RBM33: variants seen among roughly 807,000 people sequenced by gnomAD.
RBM33 encodes the protein RNA binding motif protein 33, also known as RNA-binding protein 33.
In RBM33, 28 loss-of-function variants were observed where a neutral mutation model predicts 132.6. That is an observed-to-expected ratio of 0.21 (90% CI 0.16 to 0.29). The LOEUF (loss-of-function observed/expected upper bound fraction) is 0.29, where lower values mean the gene tolerates loss of function less well. Ranked by LOEUF, RBM33 falls within the 10% of genes least tolerant of loss-of-function variation. The pLI is 1.00. For missense variants in RBM33, 1,291 were observed against 1,518.5 expected (o/e 0.85, Z 2.49); for synonymous variants, 634 against 593.0 (o/e 1.07, Z -1.01).
Position 155,745,208 on chromosome 7 carries a change from C to A in RBM33, c.2585C>A (p.Pro862Gln). 1 of 1,612,216 alleles carries A rather than the reference C, an allele frequency of 6.2e-7. No individual in the cohort carries two copies. The highest frequency in any genetic ancestry group is 2.2e-5 in the East Asian group (1 of 44,858). ...AACGGTAACCCACTGTTGCCCTTTC[C>A]AGGTGCACAGGTCAGACAAAATGTG... ...PTNGNPLLPF[P>Q]GAQVRQNVKN... Residue 862 changes from proline to glutamine, a missense_variant, in exon 14 of 18, where the codon CCA (proline) becomes CAA (glutamine). Transcript: ENST00000401878. The surrounding 1 kb of genome is among the most constrained non-coding windows in gnomAD (Gnocchi z 4.1).
intron 5 of RBM33, among the ~76,000 whole-genome samples, chr7:155,692,306 C>CA (rs1363236159): frequency 6.6e-6 from 1 of 152,136 alleles, no homozygotes; most frequent in Non-Finnish European, 1.5e-5. Flanking sequence ...GTTTTGGTAA[C>CA]ATTGTCAGGA....
chr7:155,738,634 T>G (rs1563168710), intron 11 of RBM33: 2 of 553,236 alleles, frequency 3.6e-6, no homozygotes, highest in East Asian at 3.1e-5. Context: ...AAAATGCTAC[T>G]TATTATAATT....
intron 5 of RBM33, among the ~76,000 whole-genome samples, chr7:155,681,707 T>G (rs1430705119): frequency 6.6e-6 from 1 of 152,166 alleles, no homozygotes; most frequent in African/African-American, 2.4e-5. Context: ...GACAGAAGTA[T>G]GCAAAATTGG....
chr7:155,714,230 CAT>C (rs1224636555), intron 8 of RBM33, among the ~76,000 whole-genome samples: 1 of 152,068 alleles, frequency 6.6e-6, no homozygotes, highest in Non-Finnish European at 1.5e-5. Flanking sequence ...TTATGAGGGT[CAT>C]AGTTTTCACA....
rs1399806678 is a variant in RBM33, at chr7:155,711,219, C to T, written c.965C>T (p.Pro322Leu). The change falls in exon 8 of 18, where the codon CCA becomes CTA. Residue 322 changes from proline to leucine, a missense_variant. This residue lies in a region of RBM33 where 146 missense variants were observed against 137.1 expected (regional missense o/e 1.07). Transcript: ENST00000401878. ...QPPVVPQAPP[P>L]PPPPPQQQPI... Reference sequence around the variant, plus strand: ...CCTCCACAGCCCCAGGCTCCCCCTCCACCGCCACCGCCGCCTCAGCAGCAG... The same window carrying T: ...CCTCCACAGCCCCAGGCTCCCCCTCTACCGCCACCGCCGCCTCAGCAGCAG... The T allele has an allele frequency of 6.3e-7, 1 of 1,575,170 alleles. No homozygotes were observed. Among genetic ancestry groups the T allele is most frequent in the Non-Finnish European group, 8.6e-7 (1 of 1,159,976 alleles).
chr7:155,651,330 T>C (rs1054325334), intron 1 of RBM33, among the ~76,000 whole-genome samples: 1 of 152,160 alleles, frequency 6.6e-6, no homozygotes, highest in African/African-American at 2.4e-5. Flanking sequence ...TTTGGCGGTA[T>C]TGTTGTGTTT....
intron 2 of RBM33, among the ~76,000 whole-genome samples, chr7:155,668,827 G>A (rs7793391): frequency 2.0e-5 from 3 of 152,034 alleles, no homozygotes; most frequent in African/African-American, 4.8e-5. Flanking sequence ...TTGTCGTTTC[G>A]TATCTTTATT....
chr7:155,666,112 G>A (rs944607126), intron 2 of RBM33, among the ~76,000 whole-genome samples: 7 of 152,156 alleles, frequency 4.6e-5, no homozygotes, highest in African/African-American at 1.4e-4. Flanking sequence ...AGAACCAAAA[G>A]AATATATGTA....
chr7:155,673,754 A>G (rs576249246), intron 3 of RBM33, among the ~76,000 whole-genome samples: 677 of 61,352 alleles, frequency 0.011, 21 homozygotes, highest in African/African-American at 0.036. Context: ...ACGTGTATAT[A>G]CGCGCGCATG....
At chr7:155,724,093 C>T (rs1056099329) in intron 9 of RBM33, among the ~76,000 whole-genome samples, 3 of 152,098 alleles carry the variant, frequency 2.0e-5, no homozygotes, top group Non-Finnish European at 2.9e-5. Flanking sequence ...GCAGGGAAAT[C>T]TTAGTTACCT....
intron 5 of RBM33, among the ~76,000 whole-genome samples, chr7:155,696,175 G>T (rs531570421): frequency 9.2e-5 from 14 of 152,182 alleles, no homozygotes; most frequent in Non-Finnish European, 1.6e-4. Context: ...AAAGCATGTT[G>T]TGTAAATCCA....
chr7:155,673,949 T>TTTTTTTTTTC (rs1563138384), intron 3 of RBM33, among the ~76,000 whole-genome samples: 1 of 106,510 alleles, frequency 9.4e-6, no homozygotes, highest in Non-Finnish European at 2.0e-5. Context: ...AGTTTTTTTT[T>TTTTTTTTTTC]TTTTTTTTTT....
At position 155,774,949 on chromosome 7, in the gene RBM33, C is replaced by A; in HGVS notation, c.3465-44C>A. On this transcript the variant is annotated intron_variant, in intron 17 of 17. Coordinates refer to ENST00000401878, the MANE Select transcript of RBM33 (RefSeq NM_053043.3). This position sits in a 1 kb window ranked among gnomAD's most constrained non-coding sequence, Gnocchi z 4.2. ...CCTCCCACCTTGGTAGGTTGATTGC[C>A]GATGTGCAGGGTTAGTGTCGATCGT... 1 of 1,590,008 alleles carries A rather than the reference C, an allele frequency of 6.3e-7. No individual in the cohort carries two copies. The highest frequency in any genetic ancestry group is 8.6e-7 in the Non-Finnish European group (1 of 1,158,328).
intron 3 of RBM33, among the ~76,000 whole-genome samples, chr7:155,673,758 G>GCGCGCGCA (rs1554469907): frequency 3.1e-5 from 2 of 64,478 alleles, no homozygotes; most frequent in East Asian, 1.1e-3. Flanking sequence ...GTATATACGC[G>GCGCGCGCA]CGCATGCGCG....
intron 5 of RBM33, among the ~76,000 whole-genome samples, chr7:155,693,338 T>TTC (rs1554473300): frequency 6.6e-6 from 1 of 151,376 alleles, no homozygotes; most frequent in Non-Finnish European, 1.5e-5. Flanking sequence ...TTTTCTTTTT[T>TTC]TTTTTCTTTT....
chr7:155,720,160 A>G (rs1800577362), intron 9 of RBM33, among the ~76,000 whole-genome samples: 1 of 152,198 alleles, frequency 6.6e-6, no homozygotes, highest in Non-Finnish European at 1.5e-5. Context: ...GATGGGAAGT[A>G]TGTGTGGGTG....
At chr7:155,764,472 C>T (rs1481662420) in intron 15 of RBM33, among the ~76,000 whole-genome samples, 1 of 152,236 alleles carries the variant, frequency 6.6e-6, no homozygotes, top group Non-Finnish European at 1.5e-5. Context: ...GCCACAGTTC[C>T]CAGCTGCTTA....
chr7:155,671,219 A>C (rs904091582), intron 2 of RBM33, among the ~76,000 whole-genome samples: 4 of 152,212 alleles, frequency 2.6e-5, no homozygotes, highest in Non-Finnish European at 5.9e-5. Context: ...GAAGATACAA[A>C]AATTGTATTT....
chr7:155,749,038 G>C (rs190369593), intron 14 of RBM33, among the ~76,000 whole-genome samples: 6 of 152,102 alleles, frequency 3.9e-5, no homozygotes, highest in Admixed American at 3.3e-4. Context: ...CATGTGATGG[G>C]GTAAAACAGT....
Sources: allele counts gnomAD v4.1 joint callset (sites outside exome capture counted in the v4.1 genomes callset), GRCh38; gene constraint gnomAD v4.1.1; regional missense constraint gnomAD v4.1.1; non-coding constraint Gnocchi (gnomAD v3.1); transcripts MANE v1.5; gene names NCBI Gene and HGNC (gene_info 2026-07-23, HGNC 2026-07-21).